The following SLC9A9 variants were observed in gnomAD, a reference collection of about 807,000 sequenced individuals.
The protein encoded by SLC9A9 is sodium/hydrogen exchanger 9.
In SLC9A9, 62 loss-of-function variants were observed where a neutral mutation model predicts 77.8. The ratio of observed to expected loss-of-function variants is 0.80; its 90% CI spans 0.65 to 0.98. The LOEUF is 0.98. Ranked by LOEUF, SLC9A9 falls within the 50% of genes least tolerant of loss-of-function variation. SLC9A9 has a pLI of 0.00. For synonymous variants in SLC9A9, 320 were observed against 283.5 expected (o/e 1.13, Z -1.29); for missense variants, 775 against 774.9 (o/e 1.00, Z 0.00).
chr3:143,285,112 T>A (rs1197294589), intron 14 of SLC9A9, among the ~76,000 whole-genome samples: 1 of 152,150 alleles, frequency 6.6e-6, no homozygotes, highest in Admixed American at 6.5e-5. Context: ...TATTTTTAAA[T>A]CTAGGATACA....
intron 6 of SLC9A9, among the ~76,000 whole-genome samples, chr3:143,640,789 T>A (rs139188449): frequency 5.2e-4 from 79 of 152,198 alleles, no homozygotes; most frequent in Admixed American, 4.1e-3. Flanking sequence ...GAGGTGTAGG[T>A]TGCAGTGAGC....
At chr3:143,711,241 C>G (rs74948853) in intron 4 of SLC9A9, among the ~76,000 whole-genome samples, 1,551 of 152,160 alleles carry the variant, frequency 0.01, 31 homozygotes, top group African/African-American at 0.035. Flanking sequence ...CTTGAAATTT[C>G]TTTGCAGTTG....
chr3:143,837,207 C>T (rs2009589487), intron 1 of SLC9A9, among the ~76,000 whole-genome samples: 1 of 152,194 alleles, frequency 6.6e-6, no homozygotes, highest in South Asian at 2.1e-4. Context: ...CACAGAGTTC[C>T]CTGCTGCTTG....
intron 12 of SLC9A9, among the ~76,000 whole-genome samples, chr3:143,456,714 G>A (rs1427406916): frequency 6.6e-6 from 1 of 151,808 alleles, no homozygotes; most frequent in Non-Finnish European, 1.5e-5. Flanking sequence ...ACAGGTGCCT[G>A]TCACCATGCC....
intron 13 of SLC9A9, 132 bp downstream of exon 13, chr3:143,381,928 T>C (rs2033312817): frequency 2.0e-6 from 2 of 1,017,276 alleles, no homozygotes; most frequent in Admixed American, 3.5e-5. Context: ...TATTGTAATC[T>C]CATTTGTTTT....
At chr3:143,779,823 C>T (rs1237254395) in intron 4 of SLC9A9, among the ~76,000 whole-genome samples, 1 of 152,224 alleles carries the variant, frequency 6.6e-6, no homozygotes, top group Non-Finnish European at 1.5e-5. Context: ...ATATTTCTAA[C>T]ATTAGAGTAG....
At chr3:143,331,411 C>T (rs1559871050) in intron 14 of SLC9A9, among the ~76,000 whole-genome samples, 5 of 152,124 alleles carry the variant, frequency 3.3e-5, no homozygotes, top group South Asian at 2.1e-4. Flanking sequence ...TATAGCTTCC[C>T]GAGTTATTTT....
At chr3:143,741,498 T>A (rs1935071663) in intron 4 of SLC9A9, among the ~76,000 whole-genome samples, 1 of 152,236 alleles carries the variant, frequency 6.6e-6, no homozygotes, top group South Asian at 2.1e-4. Flanking sequence ...ATGCAGAAGA[T>A]GTTTCTTAAA....
intron 14 of SLC9A9, among the ~76,000 whole-genome samples, chr3:143,309,574 T>C (rs1430643062): frequency 1.3e-5 from 2 of 152,182 alleles, no homozygotes; most frequent in Non-Finnish European, 2.9e-5. Context: ...CTCTTCCTAG[T>C]TGAGTGTAGG....
At chr3:143,684,338 C>T (rs1033621932) in intron 5 of SLC9A9, among the ~76,000 whole-genome samples, 4 of 151,968 alleles carry the variant, frequency 2.6e-5, no homozygotes, top group African/African-American at 9.7e-5. Context: ...GGTGAGAGAA[C>T]TGAACTAATA....
chr3:143,523,052 T>C (rs1464395736), intron 9 of SLC9A9, among the ~76,000 whole-genome samples: 1 of 152,102 alleles, frequency 6.6e-6, no homozygotes, highest in Non-Finnish European at 1.5e-5. Flanking sequence ...ACAGGGTCTC[T>C]TCCAGTCCCA....
chr3:143,504,350 C>T (rs1172776058), intron 9 of SLC9A9: 5 of 167,796 alleles, frequency 3.0e-5, no homozygotes, highest in Non-Finnish European at 6.3e-5. Context: ...AGAGCTGCTC[C>T]TCGGATTTTA....
chr3:143,493,084 T>G (rs1222497104), intron 11 of SLC9A9, among the ~76,000 whole-genome samples: 1 of 152,186 alleles, frequency 6.6e-6, no homozygotes, highest in Non-Finnish European at 1.5e-5. Context: ...ACAGAGACCT[T>G]GTCAGTTTCA....
At chr3:143,662,506 C>A (rs1266747903) in intron 5 of SLC9A9, among the ~76,000 whole-genome samples, 5 of 152,200 alleles carry the variant, frequency 3.3e-5, no homozygotes, top group Non-Finnish European at 7.3e-5. Flanking sequence ...GGGGCATCAC[C>A]TCACCCGAGA....
chr3:143,724,068 G>A (rs958067699), intron 4 of SLC9A9, among the ~76,000 whole-genome samples: 1 of 152,160 alleles, frequency 6.6e-6, no homozygotes, highest in Non-Finnish European at 1.5e-5. Flanking sequence ...CCACTGCAGC[G>A]ATTGTTTTTC....
In SLC9A9 at chr3:143,285,697, G is replaced by A. The variant is rs116133892; in HGVS notation, c.1605-16717C>T. On this transcript the variant is annotated intron_variant, in intron 14 of 15. Transcript: ENST00000316549. Reference sequence around the variant, plus strand: ...GTTGACAATAACTTGGGAGCTCAGTGGCATGATTCATGGGGCTCGGATTGG... The same window carrying A: ...GTTGACAATAACTTGGGAGCTCAGTAGCATGATTCATGGGGCTCGGATTGG... Among the ~76,000 whole-genome samples, 635 of 152,304 alleles carry A rather than the reference G, an allele frequency of 4.2e-3. 11 individuals carry two copies. The highest frequency in any genetic ancestry group is 2.4e-3 in the Non-Finnish European group (164 of 68,032).
chr3:143,354,089 T>C (rs184881879), intron 14 of SLC9A9, among the ~76,000 whole-genome samples: 61 of 152,320 alleles, frequency 4.0e-4, no homozygotes, highest in African/African-American at 1.4e-3. Context: ...CTCTCTCCTG[T>C]AATTCTGTAC....
chr3:143,553,758 T>A (rs1256292573), intron 8 of SLC9A9, among the ~76,000 whole-genome samples: 1 of 152,206 alleles, frequency 6.6e-6, no homozygotes, highest in African/African-American at 2.4e-5. Flanking sequence ...AAGTAGGAAA[T>A]TTTACCATGA....
chr3:143,553,515 T>C (rs1482090282), intron 8 of SLC9A9, among the ~76,000 whole-genome samples: 2 of 152,214 alleles, frequency 1.3e-5, no homozygotes, highest in East Asian at 1.9e-4. Context: ...CTTAAGAGTA[T>C]AGAGATATGT....
Sources: allele counts gnomAD v4.1 joint callset (sites outside exome capture counted in the v4.1 genomes callset), GRCh38; gene constraint gnomAD v4.1.1; transcripts MANE v1.5; gene names NCBI Gene and HGNC (gene_info 2026-07-23, HGNC 2026-07-21).